PYGB: variants seen among roughly 807,000 people sequenced by gnomAD.
PYGB encodes glycogen phosphorylase, brain form.
Under a neutral mutation model 94.3 loss-of-function variants are expected in PYGB, and 82 were observed. The observed-to-expected ratio is 0.87, with a 90% CI of 0.73 to 1.04. The LOEUF (loss-of-function observed/expected upper bound fraction) is 1.04. Ranked by LOEUF, PYGB falls within the 50% of genes least tolerant of loss-of-function variation. PYGB has a pLI of 0.00. For synonymous variants in PYGB, 488 were observed against 479.1 expected, an observed-to-expected ratio of 1.02 and a Z score of -0.24; for missense variants, 1,132 against 1,158.2, an observed-to-expected ratio of 0.98 and a Z score of 0.33.
At chr20:25,263,673 A>G (rs2123531799) in intron 2 of PYGB, among the ~76,000 whole-genome samples, 1 of 152,362 alleles carries the variant, frequency 6.6e-6, no homozygotes, top group South Asian at 2.1e-4. Context: ...ATAAACTAGA[A>G]AATCTAGAGG....
At chr20:25,291,453 G>T (rs1354970020) in intron 16 of PYGB, among the ~76,000 whole-genome samples, 1 of 152,206 alleles carries the variant, frequency 6.6e-6, no homozygotes, top group African/African-American at 2.4e-5. Flanking sequence ...ATCTGCTGTT[G>T]TTCTGCAAGC....
At position 25,290,537 on chromosome 20, in the gene PYGB, C is replaced by T. The variant is rs201261056; in HGVS notation, c.1884C>T (p.Gly628=). 68 of 1,611,748 alleles carry T rather than the reference C, an allele frequency of 4.2e-5. No individual in the cohort carries two copies. The highest frequency in any genetic ancestry group is 1.1e-4 in the East Asian group (5 of 44,758). ...TCATCAAGTTGGTCACCTCCATCGG[C>T]GACGTCGTCAATCATGACCCAGTTG... ...KLIIKLVTSI[G]DVVNHDPVVG... The change falls in exon 16 of 20, where the codon GGC becomes GGT. Residue 628 remains glycine, a synonymous_variant. Coordinates refer to ENST00000216962, the MANE Select transcript of PYGB (RefSeq NM_002862.4).
intron 1 of PYGB, 109 bp from the exon 2 acceptor site, chr20:25,259,128 T>C (rs897673763): frequency 2.0e-6 from 2 of 990,366 alleles, no homozygotes; most frequent in African/African-American, 1.6e-5. Context: ...GGGGTTGACA[T>C]AAATGAAATC....
chr20:25,274,484 AG>A, intron 4 of PYGB, 107 bp from the exon 5 acceptor site: 2 of 1,406,586 alleles, frequency 1.4e-6, no homozygotes, highest in Non-Finnish European at 1.9e-6. Context: ...GGTAAATTTC[AG>A]TGCCAGGCAC....
In PYGB at chr20:25,248,125, G is replaced by A. The variant is rs1412204637; in HGVS notation, c.-54G>A. On this transcript the variant is annotated 5_prime_UTR_variant, in exon 1 of 20. Coordinates refer to ENST00000216962, the MANE Select transcript of PYGB (RefSeq NM_002862.4). ...GAGCAGCTGCACCATCCCGGCGTTC[G>A]CGTGTGCCGCCGCTTTCCTCCTCCA... 2.7e-6 allele frequency: 4 copies of A among 1,497,396 alleles called. No individual in the cohort carries two copies. The highest frequency in any genetic ancestry group is 3.5e-6 in the Non-Finnish European group (4 of 1,127,342). 92.8% of individuals were successfully genotyped at this position (1,497,396 alleles called of 1,614,324 possible). A position where few individuals can be genotyped will look rare whatever the true frequency, so the allele number is the denominator to read the frequency against.
At chr20:25,278,932 T>G (rs960509924) in intron 8 of PYGB, 125 bp from the exon 9 acceptor site, 2 of 821,056 alleles carry the variant, frequency 2.4e-6, no homozygotes, top group Non-Finnish European at 1.9e-6. Context: ...CTCCCTGTTC[T>G]CCAGGCTTCT....
chr20:25,274,176 C>G (rs2088290461), intron 4 of PYGB, among the ~76,000 whole-genome samples: 1 of 152,240 alleles, frequency 6.6e-6, no homozygotes, highest in South Asian at 2.1e-4. Context: ...TTTGCAGTCA[C>G]ACCCAGCCCC....
intron 1 of PYGB, among the ~76,000 whole-genome samples, chr20:25,254,664 CG>C (rs2092898139): frequency 6.6e-6 from 1 of 152,224 alleles, no homozygotes; most frequent in South Asian, 2.1e-4. Context: ...TGTTTAAAAA[CG>C]ATGACTGGTA....
At chr20:25,257,600 G>A (rs1032717792) in intron 1 of PYGB, among the ~76,000 whole-genome samples, 3 of 152,158 alleles carry the variant, frequency 2.0e-5, no homozygotes, top group Admixed American at 6.5e-5. Flanking sequence ...AGGCTGAGAC[G>A]CGAGGATCAC....
chr20:25,283,368 A>T, intron 13 of PYGB, 91 bp downstream of exon 13: 1 of 1,149,994 alleles, frequency 8.7e-7, no homozygotes, highest in Non-Finnish European at 1.2e-6. Context: ...GGCCCAGCAC[A>T]GGTCCTGGGG....
chr20:25,273,759 G>A (rs1051340894), intron 4 of PYGB, among the ~76,000 whole-genome samples: 1 of 149,792 alleles, frequency 6.7e-6, no homozygotes, highest in Non-Finnish European at 1.5e-5. Flanking sequence ...GTCTTCCTGG[G>A]TGCATCCAGG....
intron 1 of PYGB, among the ~76,000 whole-genome samples, chr20:25,256,902 A>G (rs1222188714): frequency 2.0e-5 from 3 of 152,216 alleles, no homozygotes; most frequent in African/African-American, 7.2e-5. Context: ...GCAACTTTCT[A>G]GGCTTTGCAT....
chr20:25,286,946 A>C (rs923475297), intron 14 of PYGB, among the ~76,000 whole-genome samples: 2 of 152,158 alleles, frequency 1.3e-5, no homozygotes, highest in Non-Finnish European at 2.9e-5. Flanking sequence ...GCTGATTTCC[A>C]GAAGTGACAA....
intron 14 of PYGB, chr20:25,285,668 G>C (rs1568696384): frequency 1.3e-5 from 2 of 152,164 alleles, no homozygotes; most frequent in African/African-American, 4.8e-5. Context: ...ACGCATAAAT[G>C]TATATGTGTG....
Position 25,276,688 on chromosome 20 carries a change from A to G in PYGB, c.703A>G (p.Lys235Glu), listed in dbSNP as rs1600731732. The G allele has an allele frequency of 2.5e-6, 4 of 1,613,942 alleles. No homozygotes were observed. In the African/African-American group the frequency reaches 4.0e-5, roughly 16 times the overall value. The change falls in exon 6 of 20, where the codon AAG becomes GAG. Residue 235 changes from lysine to glutamate, a missense_variant. Transcript: ENST00000216962. Reference protein sequence around the residue: ...MPYDTPVPGYKNNTVNTMRLW... With the variant: ...MPYDTPVPGYENNTVNTMRLW... ...CTACGACACCCCAGTGCCCGGCTAC[A>G]AGAACAACACCGTCAACACCATGCG... is the stretch of plus-strand genomic sequence containing the variant.
At chr20:25,260,297 T>A (rs1371678351) in intron 2 of PYGB, among the ~76,000 whole-genome samples, 1 of 152,202 alleles carries the variant, frequency 6.6e-6, no homozygotes, top group African/African-American at 2.4e-5. Flanking sequence ...CTTAGTCTTG[T>A]CTTTGGATTT....
At position 25,288,620 on chromosome 20, in the gene PYGB, T is replaced by G. The variant is rs553242285; in HGVS notation, c.1827+137T>G. The G allele has an allele frequency of 4.0e-6, 4 of 1,008,994 alleles. No homozygotes were observed. The South Asian group carries it at 5.9e-5, about 15-fold the overall frequency. The allele number at this position is 1,008,994 out of a possible 1,614,324, so 62.5% of individuals were successfully genotyped here. ...CCAGCGGTCACCGGCCCCTCTGGTA[T>G]GCCTGTGGGGGTGGGGACCCTGTAG... On this transcript the variant is annotated intron_variant, in intron 15 of 19. Transcript: ENST00000216962.
At chr20:25,280,014 A>T (rs1293322783) in intron 9 of PYGB, among the ~76,000 whole-genome samples, 2 of 152,180 alleles carry the variant, frequency 1.3e-5, no homozygotes, top group African/African-American at 4.8e-5. Context: ...ATTGTGTCTT[A>T]TTTGTGTGTG....
At chr20:25,273,159 G>C (rs2088281688) in intron 4 of PYGB, among the ~76,000 whole-genome samples, 1 of 152,232 alleles carries the variant, frequency 6.6e-6, no homozygotes, top group South Asian at 2.1e-4. Context: ...AGCCTGCTTG[G>C]CACCCTGGCC....
Sources: gnomAD v4.1 joint callset for allele counts (sites outside exome capture counted in the v4.1 genomes callset) on GRCh38, gnomAD v4.1.1 for gene constraint, MANE v1.5 for transcripts, NCBI Gene and HGNC (gene_info 2026-07-23, HGNC 2026-07-21) for gene names.